OAS1: variants seen among roughly 807,000 people sequenced by gnomAD.
OAS1 encodes the protein 2'-5'-oligoadenylate synthetase 1.
OAS1 carries 24 observed loss-of-function variants against 38.5 expected under a neutral mutation model. That is an observed-to-expected ratio of 0.62 (90% confidence interval 0.45 to 0.88). The LOEUF (loss-of-function observed/expected upper bound fraction) is 0.88, where lower values mean the gene tolerates loss of function less well. Ranked by LOEUF, OAS1 falls within the 40% of genes least tolerant of loss-of-function variation. The pLI is 0.00. For missense variants in OAS1, 482 were observed against 493.9 expected (o/e 0.98, Z 0.23); for synonymous variants, 169 against 193.9 (o/e 0.87, Z 1.07).
intron 3 of OAS1, among the ~76,000 whole-genome samples, chr12:112,913,076 G>T (rs543452198): frequency 6.6e-6 from 1 of 152,082 alleles, no homozygotes; most frequent in East Asian, 1.9e-4. Flanking sequence ...TGGTCTATTG[G>T]TAGTAAACTC....
At chr12:112,912,700 G>T (rs2043402790) in intron 3 of OAS1, among the ~76,000 whole-genome samples, 1 of 152,192 alleles carries the variant, frequency 6.6e-6, no homozygotes, top group Admixed American at 6.5e-5. Flanking sequence ...CTTATATTTA[G>T]TGGAAAGAAG....
chr12:112,907,270 T>C (rs781716825), intron 1 of OAS1, 51 bp downstream of exon 1: 2 of 1,574,390 alleles, frequency 1.3e-6, no homozygotes, highest in Non-Finnish European at 1.7e-6. Flanking sequence ...TGTGCAAGAG[T>C]TGAGATTGAG....
At chr12:112,920,791 A>T (rs1003096372), downstream of OAS1, among the ~76,000 whole-genome samples, 2 of 152,326 alleles carry the variant, frequency 1.3e-5, no homozygotes, top group East Asian at 1.9e-4. Flanking sequence ...TGGTCCGTCC[A>T]GATTATATTC....
At chr12:112,913,495 C>T (rs1222767167) in intron 3 of OAS1, among the ~76,000 whole-genome samples, 2 of 152,062 alleles carry the variant, frequency 1.3e-5, no homozygotes, top group Admixed American at 6.6e-5. Flanking sequence ...ATGTTAGACC[C>T]TGCTCTATCT....
At chr12:112,920,138 C>T (rs138943145), downstream of OAS1, among the ~76,000 whole-genome samples, 199 of 152,298 alleles carry the variant, frequency 1.3e-3, no homozygotes, top group African/African-American at 4.4e-3. Context: ...TAAAAAAATC[C>T]CTGTCCTCAT....
chr12:112,917,774 C>T (rs759272693), intron 5 of OAS1, 74 bp downstream of exon 5: 1 of 1,614,066 alleles, frequency 6.2e-7, no homozygotes, highest in South Asian at 1.1e-5. Context: ...TAGCTGGAGA[C>T]CATTCTTTCC....
chr12:112,923,860 A>G (rs899536515), downstream of OAS1, among the ~76,000 whole-genome samples: 2 of 151,474 alleles, frequency 1.3e-5, no homozygotes, highest in African/African-American at 4.9e-5. Flanking sequence ...GAATGTCCAC[A>G]TGCAAAAGAA....
chr12:112,916,554 C>T lies in OAS1; in HGVS notation c.700C>T (p.Leu234Phe). 6.2e-7 allele frequency: 1 copy of T among 1,614,122 alleles called. No individual in the cohort carries two copies. The highest frequency in any genetic ancestry group is 8.5e-7 in the Non-Finnish European group (1 of 1,180,012). Residue 234 changes from leucine (L) to phenylalanine (F), a missense_variant, in exon 4 of 6, where the codon CTC (leucine) becomes TTC (phenylalanine). By Grantham distance (22) the Leu-to-Phe change is conservative. Transcript: ENST00000202917. ...GCTGCCACCTCAGTATGCCCTGGAG[C>T]TCCTGACGGTCTATGCTTGGGAGCG... ...GKLPPQYALE[L>F]LTVYAWERGS...
At chr12:112,927,685 AC>A (rs2043568157) in intron 6 of OAS1, among the ~76,000 whole-genome samples, 3 of 152,100 alleles carry the variant, frequency 2.0e-5, no homozygotes, top group South Asian at 2.1e-4. Flanking sequence ...TAACAAACAG[AC>A]CCCCAAGCTG....
At chr12:112,925,836 C>T (rs2043555132) in intron 6 of OAS1, among the ~76,000 whole-genome samples, 1 of 152,132 alleles carries the variant, frequency 6.6e-6, no homozygotes, top group African/African-American at 2.4e-5. Flanking sequence ...GCAATTGTGG[C>T]TCTTAGTGTT....
At chr12:112,930,008 G>A (rs536689477) in intron 6 of OAS1, among the ~76,000 whole-genome samples, 46 of 152,250 alleles carry the variant, frequency 3.0e-4, no homozygotes, top group African/African-American at 1.1e-3. Flanking sequence ...GGCCTGTTGG[G>A]AGGTGATTGG....
intron 5 of OAS1, 92 bp downstream of exon 5, chr12:112,917,792 T>G: frequency 6.2e-7 from 1 of 1,613,546 alleles, no homozygotes; most frequent in Non-Finnish European, 8.5e-7. Context: ...TCCAAAGAAC[T>G]TACCTCTTGC....
intron 2 of OAS1, among the ~76,000 whole-genome samples, chr12:112,909,752 G>A (rs2043350074): frequency 1.3e-5 from 2 of 152,160 alleles, no homozygotes; most frequent in Admixed American, 6.5e-5. Flanking sequence ...AACTCACAGA[G>A]GGACACGGAA....
At chr12:112,918,968 G>A in intron 5 of OAS1, 1 of 254,814 alleles carries the variant, frequency 3.9e-6, no homozygotes, top group Non-Finnish European at 7.9e-6. Context: ...AGGGAAAGGG[G>A]GGAAGAAAGG....
At chr12:112,912,622 C>A (rs952847498) in intron 3 of OAS1, among the ~76,000 whole-genome samples, 1 of 152,086 alleles carries the variant, frequency 6.6e-6, no homozygotes, top group Admixed American at 6.5e-5. Context: ...AGCACTGCCC[C>A]CAGGGACATA....
chr12:112,913,257 T>C (rs1036713932), intron 3 of OAS1, among the ~76,000 whole-genome samples: 7 of 152,252 alleles, frequency 4.6e-5, no homozygotes, highest in African/African-American at 1.4e-4. Context: ...ACCTGTCTTA[T>C]TCTTCTGGCT....
downstream of OAS1, among the ~76,000 whole-genome samples, chr12:112,922,412 C>T (rs1335983088): frequency 6.6e-6 from 1 of 152,178 alleles, no homozygotes; most frequent in African/African-American, 2.4e-5. Flanking sequence ...TACTCATCCA[C>T]TAAGTCACTA....
rs767926883 is a variant in OAS1 at position 112,917,547 on chromosome 12, G to A, written c.885G>A (p.Arg295=). The A allele has an allele frequency of 1.9e-6, 3 of 1,613,954 alleles. No homozygotes were observed. Among genetic ancestry groups the A allele is most frequent in the Middle Eastern group, 1.7e-4 (1 of 6,000 alleles). ...TCCCTCTCTAAATGCTGCTCTGCAG[G>A]CCTGTGATCCTGGACCCGGCGGACC... ...KYLRRQLTKP[R]PVILDPADPT... The change falls in exon 5 of 6, where the codon AGG becomes AGA. Residue 295 remains arginine (R), a splice_region_variant and synonymous_variant. Coordinates refer to ENST00000202917, the MANE Select transcript of OAS1 (RefSeq NM_016816.4).
chr12:112,916,248 C>T (rs976599669), intron 3 of OAS1, among the ~76,000 whole-genome samples: 1 of 152,068 alleles, frequency 6.6e-6, no homozygotes, highest in Admixed American at 6.6e-5. Context: ...TAACAAGGGG[C>T]CAGTACACTT....
Sources: gnomAD v4.1 joint callset for allele counts (sites outside exome capture counted in the v4.1 genomes callset) on GRCh38, gnomAD v4.1.1 for gene constraint, MANE v1.5 for transcripts, NCBI Gene and HGNC (gene_info 2026-07-23, HGNC 2026-07-21) for gene names.